Variants in PTPRD observed in about 807,000 individuals in gnomAD.
The protein encoded by PTPRD is receptor-type tyrosine-protein phosphatase delta.
PTPRD carries 34 observed loss-of-function variants against 214.5 expected under a neutral mutation model. That is an observed-to-expected ratio of 0.16 (90% CI 0.12 to 0.21). PTPRD has a LOEUF of 0.21. Ranked by LOEUF, PTPRD falls within the 10% of genes least tolerant of loss-of-function variation. The probability of loss-of-function intolerance (pLI) is 1.00; values close to 1 mark genes in which losing one functional copy is unlikely to be tolerated. For missense variants in PTPRD, 2,545 were observed against 2,398.7 expected (o/e 1.06, Z -1.27); for synonymous variants, 1,128 against 845.7 (o/e 1.33, Z -5.79).
chr9:9,603,785 C>T (rs1215669036), intron 7 of PTPRD, among the ~76,000 whole-genome samples: 2 of 151,978 alleles, frequency 1.3e-5, no homozygotes, highest in Admixed American at 6.6e-5. Flanking sequence ...GGGATCACTG[C>T]TATAAAGTAT....
chr9:9,956,814 A>C (rs1172018449), intron 4 of PTPRD, among the ~76,000 whole-genome samples: 3 of 152,178 alleles, frequency 2.0e-5, no homozygotes, highest in African/African-American at 7.2e-5. Context: ...TGAAGAATCT[A>C]AATAACTGAA....
chr9:8,470,723 G>C (rs763196559), intron 31 of PTPRD, among the ~76,000 whole-genome samples: 6 of 152,108 alleles, frequency 3.9e-5, no homozygotes, highest in Non-Finnish European at 8.8e-5. Context: ...TCTACATCAT[G>C]TTTTACAAGG....
intron 7 of PTPRD, among the ~76,000 whole-genome samples, chr9:9,691,434 G>C (rs182805763): frequency 6.6e-6 from 1 of 152,062 alleles, no homozygotes; most frequent in East Asian, 1.9e-4. Context: ...ATGACCTCCA[G>C]TTCTATCCAT....
Position 8,316,449 on chromosome 9 carries a change from G to A in PTPRD, c.*1425C>T, listed in dbSNP as rs941880093. ...GACTGAACAGAGTAACATGAATTTG[G>A]CTTTGCCCCTGTTACATATCATAAA... On this transcript the variant is annotated 3_prime_UTR_variant, in exon 46 of 46. Coordinates refer to ENST00000381196, the MANE Select transcript of PTPRD (RefSeq NM_002839.4). 1 of 230,654 alleles carries A rather than the reference G, an allele frequency of 4.3e-6. No individual in the cohort carries two copies. The highest frequency in any genetic ancestry group is 5.7e-5 in the Admixed American group (1 of 17,672). The allele number at this position is 230,654 out of a possible 1,614,324, so 14.3% of individuals were successfully genotyped here.
rs377557345 is a variant in PTPRD at position 8,492,898 on chromosome 9, G to A, written c.2431C>T (p.Arg811Cys). 15 of 1,613,804 alleles carry A rather than the reference G, an allele frequency of 9.3e-6. No homozygotes were observed. The highest frequency in any genetic ancestry group is 2.2e-5 in the East Asian group (1 of 44,876). Residue 811 changes from arginine to cysteine, a missense_variant, in exon 27 of 46, where the codon CGC becomes TGC. Transcript: ENST00000381196. ...GTGGACACCAGTTTGGGCTTGCTGC[G>A]AGCACCATCTCCTTTGGTTGTGTAG... ...TAYTTKGDGA[R>C]SKPKLVSTTG...
At chr9:10,086,856 G>C (rs986259608) in intron 3 of PTPRD, among the ~76,000 whole-genome samples, 1 of 151,738 alleles carries the variant, frequency 6.6e-6, no homozygotes, top group African/African-American at 2.4e-5. Flanking sequence ...AATGCCTTTT[G>C]TGTATATGTG....
chr9:8,703,385 A>C (rs2098132517), intron 12 of PTPRD, among the ~76,000 whole-genome samples: 1 of 152,158 alleles, frequency 6.6e-6, no homozygotes, highest in Non-Finnish European at 1.5e-5. Flanking sequence ...TTCTCCCTTA[A>C]AAATTATTCC....
At chr9:9,370,005 T>C (rs2059008842) in intron 9 of PTPRD, among the ~76,000 whole-genome samples, 2 of 152,200 alleles carry the variant, frequency 1.3e-5, no homozygotes, top group South Asian at 4.1e-4. Context: ...GATGTTTTCG[T>C]TACTGTAGCC....
At chr9:8,488,085 T>G (rs995933592) in intron 27 of PTPRD, among the ~76,000 whole-genome samples, 70 of 151,994 alleles carry the variant, frequency 4.6e-4, no homozygotes, top group African/African-American at 1.6e-3. Context: ...CTTACAGTAA[T>G]GGGAAACAGG....
Position 10,389,466 on chromosome 9 carries a change from C to G in PTPRD, c.-599-48449G>C, listed in dbSNP as rs561032859. Among the ~76,000 whole-genome samples, 8 of 152,016 alleles carry G rather than the reference C, an allele frequency of 5.3e-5. No individual in the cohort carries two copies. In the East Asian group the frequency reaches 1.4e-3, roughly 26 times the overall value. ...CACTGGTCAATGCCAGCAATCCACA[C>G]ACAGTAATTTGGCATCACCTGTAAC... On this transcript the variant is annotated intron_variant, in intron 2 of 45. Transcript: ENST00000381196.
In PTPRD at chr9:8,331,687, T is replaced by C; in HGVS notation, c.5429A>G (p.Glu1810Gly). ...VRQFQFTDWP[E>G]QGVPKSGEGF... The stretch of plus-strand genomic sequence containing the variant: ...TTCTCCGGACTTTGGCACTCCTTGC[T>C]CTGGCCAGTCAGTGAACTGGAACTG... The change falls in exon 44 of 46, where the codon GAG becomes GGG. Residue 1810 changes from glutamate to glycine, a missense_variant. Physicochemically the swap from Glu to Gly is moderately conservative, Grantham distance 98. Coordinates refer to ENST00000381196, the MANE Select transcript of PTPRD (RefSeq NM_002839.4). 6.2e-7 allele frequency: 1 copy of C among 1,613,872 alleles called. No individual in the cohort carries two copies. The highest frequency in any genetic ancestry group is 8.5e-7 in the Non-Finnish European group (1 of 1,179,886).
intron 2 of PTPRD, among the ~76,000 whole-genome samples, chr9:10,585,930 C>A (rs62539613): frequency 0.16 from 24,018 of 151,948 alleles, 2,468 homozygotes; most frequent in Non-Finnish European, 0.23. Flanking sequence ...AGTGATATAA[C>A]TAGGTTAGCA....
At chr9:9,625,775 C>T (rs557645035) in intron 7 of PTPRD, among the ~76,000 whole-genome samples, 24 of 152,134 alleles carry the variant, frequency 1.6e-4, no homozygotes, top group African/African-American at 3.4e-4. Context: ...TTTATCCGAA[C>T]GGCCAGCAAA....
chr9:9,558,903 T>C (rs2082186193), intron 8 of PTPRD, among the ~76,000 whole-genome samples: 1 of 152,132 alleles, frequency 6.6e-6, no homozygotes, highest in African/African-American at 2.4e-5. Flanking sequence ...CCCCAAGGCC[T>C]TATGTTGCAT....
intron 2 of PTPRD, among the ~76,000 whole-genome samples, chr9:10,462,854 A>T (rs1407778260): frequency 6.6e-6 from 1 of 151,490 alleles, no homozygotes; most frequent in African/African-American, 2.4e-5. Context: ...TAATATACAA[A>T]TTAGCATATT....
chr9:9,306,427 G>A (rs1303354292), intron 9 of PTPRD, among the ~76,000 whole-genome samples: 1 of 151,454 alleles, frequency 6.6e-6, no homozygotes, highest in South Asian at 2.1e-4. Flanking sequence ...GCTGGGTGGG[G>A]TGTGGTCACA....
In PTPRD at chr9:10,582,721, CA is replaced by C. The variant is rs564294193; in HGVS notation, c.-600+29676del. ...AAAAAGATAAATGCAGACCTACTGA[CA>C]AAAAAACTTATATTGTTACAGAATT... On this transcript the variant is annotated intron_variant, in intron 2 of 45. Coordinates refer to ENST00000381196, the MANE Select transcript of PTPRD (RefSeq NM_002839.4). 5.7e-4 allele frequency among the ~76,000 whole-genome samples: 86 copies of C among 152,056 alleles called. 1 individual carries two copies. In the South Asian group the frequency reaches 0.017, roughly 30 times the overall value.
At chr9:9,349,349 C>T (rs1014541717) in intron 9 of PTPRD, among the ~76,000 whole-genome samples, 3 of 152,058 alleles carry the variant, frequency 2.0e-5, no homozygotes, top group African/African-American at 7.2e-5. Flanking sequence ...GTCACCACAC[C>T]TCCAACCCCC....
chr9:9,763,863 A>C (rs949013359), intron 6 of PTPRD, among the ~76,000 whole-genome samples: 4 of 152,194 alleles, frequency 2.6e-5, no homozygotes, highest in Non-Finnish European at 5.9e-5. Context: ...TTAAATAGAC[A>C]CAATCACATT....
Sources: gnomAD v4.1 joint callset for allele counts (sites outside exome capture counted in the v4.1 genomes callset) on GRCh38, gnomAD v4.1.1 for gene constraint, MANE v1.5 for transcripts, NCBI Gene and HGNC (gene_info 2026-07-23, HGNC 2026-07-21) for gene names.